Variants in SPECC1 observed in about 807,000 individuals in gnomAD.
The protein encoded by SPECC1 is sperm antigen with calponin homology and coiled-coil domains 1.
A neutral mutation model predicts 104.1 loss-of-function variants in SPECC1; 62 were observed. The ratio of observed to expected loss-of-function variants is 0.60; its 90% CI spans 0.49 to 0.74. The LOEUF (loss-of-function observed/expected upper bound fraction) is 0.74, where lower values mean the gene tolerates loss of function less well. Among genes scored for constraint, SPECC1 ranks in the 30% least tolerant of loss-of-function variants. The probability of loss-of-function intolerance (pLI) is 0.00; values close to 1 mark genes in which losing one functional copy is unlikely to be tolerated. For missense variants in SPECC1, 1,306 were observed against 1,310.5 expected, an observed-to-expected ratio of 1.00 and a Z score of 0.05; for synonymous variants, 513 against 501.6, an observed-to-expected ratio of 1.02 and a Z score of -0.30.
chr17:20,106,244 G>A (rs867762663), intron 2 of SPECC1, among the ~76,000 whole-genome samples: 1 of 152,294 alleles, frequency 6.6e-6, no homozygotes, highest in Middle Eastern at 3.4e-3. Flanking sequence ...GGAAGAGTGA[G>A]TAATAGTTTT....
At chr17:20,249,555 A>G (rs1307737971) in intron 9 of SPECC1, among the ~76,000 whole-genome samples, 2 of 152,226 alleles carry the variant, frequency 1.3e-5, no homozygotes, top group Non-Finnish European at 2.9e-5. Context: ...AGACCCTAAA[A>G]CAACTGAGAT....
chr17:20,199,080 C>CTTTTTTTT (rs562975649), intron 3 of SPECC1, among the ~76,000 whole-genome samples: 2 of 76,572 alleles, frequency 2.6e-5, no homozygotes, highest in Non-Finnish European at 2.2e-5. Context: ...CTTATGGTAG[C>CTTTTTTTT]TTTTTTTTTT....
At chr17:20,200,317 C>T (rs892727211) in intron 3 of SPECC1, among the ~76,000 whole-genome samples, 1 of 152,150 alleles carries the variant, frequency 6.6e-6, no homozygotes, top group Admixed American at 6.5e-5. Flanking sequence ...TTGATGTACT[C>T]GTGATTGACC....
At chr17:20,107,611 C>T (rs1373065449) in intron 2 of SPECC1, among the ~76,000 whole-genome samples, 1 of 151,926 alleles carries the variant, frequency 6.6e-6, no homozygotes, top group Admixed American at 6.6e-5. Flanking sequence ...CATGTGTCAC[C>T]ACACCTGGCT....
chr17:20,038,886 A>G (rs1484596421), intron 1 of SPECC1, among the ~76,000 whole-genome samples: 1 of 152,226 alleles, frequency 6.6e-6, no homozygotes, highest in African/African-American at 2.4e-5. Context: ...TGATTCCAGT[A>G]GAGCACACTC....
At chr17:20,045,830 T>A (rs1423859076) in intron 1 of SPECC1, among the ~76,000 whole-genome samples, 1 of 152,188 alleles carries the variant, frequency 6.6e-6, no homozygotes, top group Admixed American at 6.5e-5. Flanking sequence ...TAGTGTTTTT[T>A]GGGCTGGGGG....
intron 12 of SPECC1, among the ~76,000 whole-genome samples, chr17:20,294,711 A>G (rs2034110): frequency 0.034 from 5,034 of 148,650 alleles, 226 homozygotes; most frequent in African/African-American, 0.11. Flanking sequence ...GGTACTGATG[A>G]TGGTGGTGGT....
chr17:20,301,886 A>G (rs774988571), intron 13 of SPECC1, among the ~76,000 whole-genome samples: 15 of 152,208 alleles, frequency 9.9e-5, no homozygotes, highest in Middle Eastern at 6.8e-3. Context: ...TTATATTTTT[A>G]GTAGAGATGG....
chr17:20,060,978 A>G (rs1312218211), intron 1 of SPECC1, among the ~76,000 whole-genome samples: 1 of 152,246 alleles, frequency 6.6e-6, no homozygotes, highest in Non-Finnish European at 1.5e-5. Flanking sequence ...TTCAAACTTA[A>G]TGATTATATA....
chr17:20,094,113 G>A, intron 1 of SPECC1, among the ~76,000 whole-genome samples: 1 of 152,106 alleles, frequency 6.6e-6, no homozygotes, highest in Non-Finnish European at 1.5e-5. Context: ...GGAAGGCCTT[G>A]CCCAGGAAAA....
intron 1 of SPECC1, among the ~76,000 whole-genome samples, chr17:20,085,110 T>TA (rs1056023647): frequency 3.3e-5 from 5 of 152,204 alleles, no homozygotes; most frequent in African/African-American, 1.2e-4. Flanking sequence ...GGCTGGATGA[T>TA]AGAACTCAGC....
chr17:20,108,296 G>A (rs946840658), intron 2 of SPECC1, among the ~76,000 whole-genome samples: 1 of 149,672 alleles, frequency 6.7e-6, no homozygotes, highest in Non-Finnish European at 1.5e-5. Flanking sequence ...TGCCTAAATT[G>A]CAAACTTCCT....
At chr17:20,221,136 ATCTT>A (rs1240298572) in intron 4 of SPECC1, among the ~76,000 whole-genome samples, 2 of 151,862 alleles carry the variant, frequency 1.3e-5, no homozygotes, top group Non-Finnish European at 2.9e-5. Flanking sequence ...TTTTTCATGT[ATCTT>A]TCTTTGTCTG....
chr17:20,097,885 A>G (rs2047729785), intron 2 of SPECC1, among the ~76,000 whole-genome samples: 1 of 152,190 alleles, frequency 6.6e-6, no homozygotes, highest in South Asian at 2.1e-4. Flanking sequence ...ATTTTAGGAC[A>G]TCTGAATTTC....
intron 10 of SPECC1, among the ~76,000 whole-genome samples, 170 bp from the exon 11 acceptor site, chr17:20,257,281 G>A (rs573647914): frequency 6.6e-6 from 1 of 152,160 alleles, no homozygotes; most frequent in African/African-American, 2.4e-5. Flanking sequence ...ATGATGTAGT[G>A]GTCCTGCCTG....
intron 3 of SPECC1, among the ~76,000 whole-genome samples, chr17:20,168,913 TC>T (rs1359704130): frequency 6.6e-6 from 1 of 152,160 alleles, no homozygotes; most frequent in African/African-American, 2.4e-5. Flanking sequence ...TGCTCTGTCA[TC>T]CAGGCTGGAG....
intron 3 of SPECC1, among the ~76,000 whole-genome samples, chr17:20,121,638 G>C (rs2049037327): frequency 1.3e-5 from 2 of 152,198 alleles, no homozygotes. Flanking sequence ...CTGGATTCCA[G>C]TTCTTATTAT....
chr17:20,163,486 A>G (rs190365836), intron 3 of SPECC1, among the ~76,000 whole-genome samples: 19 of 152,212 alleles, frequency 1.2e-4, no homozygotes, highest in Admixed American at 1.2e-3. Context: ...AGTCTTATAA[A>G]TTTAATAATT....
At chr17:20,109,252 C>G (rs563907735) in intron 2 of SPECC1, among the ~76,000 whole-genome samples, 3 of 152,354 alleles carry the variant, frequency 2.0e-5, no homozygotes, top group Admixed American at 6.5e-5. Context: ...TTCCCTTCAG[C>G]CTGTGTGATG....
Sources: allele counts gnomAD v4.1 joint callset (sites outside exome capture counted in the v4.1 genomes callset), GRCh38; gene constraint gnomAD v4.1.1; transcripts MANE v1.5; gene names NCBI Gene and HGNC (gene_info 2026-07-23, HGNC 2026-07-21).